Variants in C1orf94 observed in about 807,000 individuals in gnomAD.
The protein encoded by C1orf94 is chromosome 1 open reading frame 94.
A neutral mutation model predicts 53.6 loss-of-function variants in C1orf94; 45 were observed. That is an observed-to-expected ratio of 0.84 (90% CI 0.66 to 1.08). The LOEUF (loss-of-function observed/expected upper bound fraction) is 1.08, where lower values mean the gene tolerates loss of function less well. C1orf94 is among the 50% of genes least tolerant of loss of function. The pLI is 0.00. For synonymous variants in C1orf94, 304 were observed against 296.1 expected (o/e 1.03, Z -0.27); for missense variants, 762 against 738.9 (o/e 1.03, Z -0.36).
At chr1:34,172,057 C>A (rs1265038800), upstream of C1orf94, among the ~76,000 whole-genome samples, 1 of 152,148 alleles carries the variant, frequency 6.6e-6, no homozygotes, top group African/African-American at 2.4e-5. Flanking sequence ...TTTTAGTGAC[C>A]AATGTCCCGG....
chr1:34,218,824 G>T lies in C1orf94; in HGVS notation c.*63G>T. 7.0e-7 allele frequency: 1 copy of T among 1,432,274 alleles called. No individual in the cohort carries two copies. The highest frequency in any genetic ancestry group is 9.5e-7 in the Non-Finnish European group (1 of 1,049,278). The allele number at this position is 1,432,274 out of a possible 1,614,324, so 88.7% of individuals were successfully genotyped here. ...TCAGGACTAGGGGCTCTGATTTTTG[G>T]ATTCTGCAAAAGCTTGGTATGAAGT... On this transcript the variant is annotated 3_prime_UTR_variant, in exon 7 of 7. Transcript: ENST00000488417.
intron 2 of C1orf94, 24 bp from the exon 3 acceptor site, chr1:34,200,748 G>T: frequency 6.2e-7 from 1 of 1,613,188 alleles, no homozygotes; most frequent in South Asian, 1.1e-5. Flanking sequence ...CAGAGGCATT[G>T]ACTCAGTTTC....
At chr1:34,180,158 G>A (rs1642292802) in intron 1 of C1orf94, among the ~76,000 whole-genome samples, 1 of 152,126 alleles carries the variant, frequency 6.6e-6, no homozygotes, top group Non-Finnish European at 1.5e-5. Flanking sequence ...TCTGCCAAAT[G>A]GAGATTAATA....
intron 1 of C1orf94, among the ~76,000 whole-genome samples, chr1:34,184,985 C>T (rs1411286425): frequency 6.6e-6 from 1 of 152,036 alleles, no homozygotes; most frequent in African/African-American, 2.4e-5. Context: ...GTGTTTTCTC[C>T]TCTTGGAGGG....
Position 34,200,898 on chromosome 1 carries a change from T to A in C1orf94, c.1136T>A (p.Leu379Gln), listed in dbSNP as rs1642694722. The change falls in exon 3 of 7, where the codon CTG (leucine) becomes CAG (glutamine). Residue 379 changes from leucine to glutamine, a missense_variant. By Grantham distance (113) the Leu-to-Gln change is moderately radical. Transcript: ENST00000488417. ...TGTGACGCAGTGGGCACCGCATCAC[T>A]GACCCTGCCGCCCAAGAAACCTACA... ...GCCDAVGTAS[L>Q]TLPPKKPTCP... 1 of 1,614,154 alleles carries A rather than the reference T, an allele frequency of 6.2e-7. No homozygotes were observed. Among genetic ancestry groups the A allele is most frequent in the Non-Finnish European group, 8.5e-7 (1 of 1,180,032 alleles).
At chr1:34,201,829 T>C (rs1259552498) in intron 3 of C1orf94, among the ~76,000 whole-genome samples, 2 of 152,132 alleles carry the variant, frequency 1.3e-5, no homozygotes, top group Admixed American at 6.5e-5. Flanking sequence ...AATTGCCTTC[T>C]TTACTAGTGA....
intron 1 of C1orf94, among the ~76,000 whole-genome samples, chr1:34,183,124 G>A (rs1238969228): frequency 6.6e-6 from 1 of 152,182 alleles, no homozygotes; most frequent in African/African-American, 2.4e-5. Context: ...CTGGTTGGAC[G>A]GTGTGCCATT....
Position 34,197,903 on chromosome 1 carries a change from C to A in C1orf94, c.999C>A (p.His333Gln), listed in dbSNP as rs772554672. 36 of 1,612,998 alleles carry A rather than the reference C, an allele frequency of 2.2e-5. No homozygotes were observed. Among genetic ancestry groups the A allele is most frequent in the Non-Finnish European group, 3.0e-5 (35 of 1,179,356 alleles). ...AGGCTGACCCTGCTGTGGAGAGGCA[C>A]CACTTGATGGGTGAGTGGGGTTGGA... ...KPKADPAVER[H>Q]HLMEWSPGTK... Residue 333 changes from histidine to glutamine, a missense_variant, in exon 2 of 7, where the codon CAC becomes CAA. Physicochemically the swap from His to Gln is conservative, Grantham distance 24 (BLOSUM62 0). Transcript: ENST00000488417. This position sits in a 1 kb window ranked among gnomAD's most constrained non-coding sequence, Gnocchi z 4.1.
In C1orf94 at chr1:34,177,251, C is replaced by A. The variant is rs1041121265; in HGVS notation, c.-539C>A. The stretch of plus-strand genomic sequence containing the variant: ...CCTGGGCCGGGGGTGGGAGTCGGGC[C>A]GTTGACGCTCGCTCTGCGAGGGGCT... On this transcript the variant is annotated 5_prime_UTR_variant, in exon 1 of 7. Transcript: ENST00000488417. Among the ~76,000 whole-genome samples the A allele has an allele frequency of 6.6e-6, 1 of 152,202 alleles. No individual in the cohort carries two copies. The highest frequency in any genetic ancestry group is 1.5e-5 in the Non-Finnish European group (1 of 68,026).
chr1:34,167,775 C>T (rs967537190), intron 1 of C1orf94, among the ~76,000 whole-genome samples: 2 of 152,064 alleles, frequency 1.3e-5, no homozygotes, highest in Non-Finnish European at 2.9e-5. Context: ...GGCATGCTAC[C>T]GAGAGGCATG....
At position 34,209,697 on chromosome 1, in the gene C1orf94, C is replaced by A. The variant is rs140595576; in HGVS notation, c.1524+1463C>A. Among the ~76,000 whole-genome samples the A allele has an allele frequency of 1.1e-4, 16 of 152,196 alleles. No individual in the cohort carries two copies. The East Asian group carries it at 2.7e-3, about 26-fold the overall frequency. On this transcript the variant is annotated intron_variant, in intron 5 of 6. Transcript: ENST00000488417. ...GGGGTAGGGAGCCTTGTTACCTGGG[C>A]CAGCACTGATTTCTCAGCAGCAGGA...
intron 4 of C1orf94, among the ~76,000 whole-genome samples, chr1:34,203,126 A>G (rs767041176): frequency 1.3e-5 from 2 of 152,052 alleles, no homozygotes; most frequent in South Asian, 4.1e-4. Flanking sequence ...CAGGGACTAG[A>G]TCATCCTCAT....
At chr1:34,212,149 C>CA in intron 5 of C1orf94, 61 bp from the exon 6 acceptor site, 1 of 1,476,476 alleles carries the variant, frequency 6.8e-7, no homozygotes, top group South Asian at 1.4e-5. Context: ...GGGTGGGTGG[C>CA]TGGGGTTAGA....
chr1:34,198,238 T>A (rs1425815423), intron 2 of C1orf94, among the ~76,000 whole-genome samples: 1 of 152,176 alleles, frequency 6.6e-6, no homozygotes, highest in African/African-American at 2.4e-5. Context: ...GAAGGAAGTG[T>A]TTACCCTAGC....
Position 34,208,139 on chromosome 1 carries a change from G to T in C1orf94, c.1447-18G>T. 6.2e-7 allele frequency: 1 copy of T among 1,613,612 alleles called. No homozygotes were observed. The highest frequency in any genetic ancestry group is 8.5e-7 in the Non-Finnish European group (1 of 1,179,702). On this transcript the variant is annotated intron_variant, in intron 4 of 6. Coordinates refer to ENST00000488417, the MANE Select transcript of C1orf94 (RefSeq NM_001134734.2). Reference sequence around the variant, plus strand: ...GAAACCCCTTGCCTGGCCATACTGAGCCTCTGTTTCTCCCCAGGGCCTGTA... The same window carrying T: ...GAAACCCCTTGCCTGGCCATACTGATCCTCTGTTTCTCCCCAGGGCCTGTA...
chr1:34,176,343 G>A (rs1477655161), upstream of C1orf94, among the ~76,000 whole-genome samples: 1 of 152,122 alleles, frequency 6.6e-6, no homozygotes, highest in Non-Finnish European at 1.5e-5. Flanking sequence ...CTGACTCTCG[G>A]AACCAGAAAG....
At chr1:34,192,936 G>A (rs1204199348) in intron 1 of C1orf94, among the ~76,000 whole-genome samples, 1 of 152,178 alleles carries the variant, frequency 6.6e-6, no homozygotes, top group Non-Finnish European at 1.5e-5. Context: ...CATCATAAAG[G>A]AGTTTGGATT....
At chr1:34,176,142 G>A (rs907518689), upstream of C1orf94, among the ~76,000 whole-genome samples, 12 of 152,002 alleles carry the variant, frequency 7.9e-5, no homozygotes, top group Non-Finnish European at 1.6e-4. Flanking sequence ...TCAGTACTGG[G>A]GGAATTATGA....
At position 34,178,040 on chromosome 1, in the gene C1orf94, C is replaced by T. The variant is rs1391407228; in HGVS notation, c.251C>T (p.Thr84Ile). The change falls in exon 1 of 7, where the codon ACC (threonine) becomes ATC (isoleucine). Residue 84 changes from threonine to isoleucine, a missense_variant. Transcript: ENST00000488417. ...QGLPEASQPW[T>I]SMEQLSVPVV... ...CTGCCTGAGGCCTCACAGCCCTGGA[C>T]CTCCATGGAGCAGCTCTCTGTCCCT... 6.4e-7 allele frequency: 1 copy of T among 1,551,732 alleles called. No homozygotes were observed. The highest frequency in any genetic ancestry group is 8.7e-7 in the Non-Finnish European group (1 of 1,147,002).
Sources: gnomAD v4.1 joint callset for allele counts (sites outside exome capture counted in the v4.1 genomes callset) on GRCh38, gnomAD v4.1.1 for gene constraint, Gnocchi (gnomAD v3.1) non-coding constraint, MANE v1.5 for transcripts, NCBI Gene and HGNC (gene_info 2026-07-23, HGNC 2026-07-21) for gene names.